ERLIN2: variants seen among roughly 807,000 people sequenced by gnomAD.
ERLIN2 encodes erlin-2.
Under a neutral mutation model 41.5 loss-of-function variants are expected in ERLIN2, and 22 were observed. The observed-to-expected ratio is 0.53, with a 90% CI of 0.38 to 0.76. ERLIN2 has a LOEUF of 0.76. ERLIN2 is among the 30% of genes least tolerant of loss of function. ERLIN2 has a pLI of 0.00. For missense variants in ERLIN2, 247 were observed against 414.3 expected, an observed-to-expected ratio of 0.60 and a Z score of 3.51; for synonymous variants, 149 against 150.9, an observed-to-expected ratio of 0.99 and a Z score of 0.09.
chr8:37,747,679 G>A, intron 6 of ERLIN2: 1 of 1,594,322 alleles, frequency 6.3e-7, no homozygotes, highest in Non-Finnish European at 8.6e-7. Flanking sequence ...GGTAACGGGA[G>A]CATTCTTCGG....
rs1803363167 is a variant in ERLIN2 at position 37,756,515 on chromosome 8, T to C, written c.*2400T>C. ...TGAGCACAGAAGAGCCTCAGTAGAG[T>C]CAAGTCCTGCTGCAGCTGCCCCACC... On this transcript the variant is annotated 3_prime_UTR_variant, in exon 12 of 12. Transcript: ENST00000519638. The C allele has an allele frequency of 6.6e-6, 1 of 152,550 alleles. No homozygotes were observed. The highest frequency in any genetic ancestry group is 2.1e-4 in the South Asian group (1 of 4,816). 9.4% of individuals were successfully genotyped at this position (152,550 alleles called of 1,614,324 possible).
chr8:37,740,870 G>A (rs533191695), intron 3 of ERLIN2, among the ~76,000 whole-genome samples: 22 of 152,138 alleles, frequency 1.4e-4, no homozygotes, highest in Non-Finnish European at 2.9e-4. Context: ...TAAAATAGGA[G>A]TGAGGTTAGT....
At chr8:37,747,471 A>G (rs1388836040) in intron 6 of ERLIN2, 1 of 1,612,062 alleles carries the variant, frequency 6.2e-7, no homozygotes, top group Non-Finnish European at 8.5e-7. Flanking sequence ...CATTCTGTGC[A>G]TACGAGTCAG....
chr8:37,740,480 T>C, intron 3 of ERLIN2, 34 bp downstream of exon 3: 1 of 1,537,496 alleles, frequency 6.5e-7, no homozygotes, highest in Non-Finnish European at 9.0e-7. Flanking sequence ...GCTGGACGAC[T>C]GCAAACTTGG....
At position 37,755,639 on chromosome 8, in the gene ERLIN2, A is replaced by T. The variant is rs1803342981; in HGVS notation, c.*1524A>T. The T allele has an allele frequency of 7.0e-6, 1 of 143,328 alleles. No individual in the cohort carries two copies. Among genetic ancestry groups the T allele is most frequent in the Non-Finnish European group, 1.5e-5 (1 of 66,650 alleles). 8.9% of individuals were successfully genotyped at this position (143,328 alleles called of 1,614,324 possible). On this transcript the variant is annotated 3_prime_UTR_variant, in exon 12 of 12. Transcript: ENST00000519638. ...TCTGTGAATGGTCCTTTCTGGCAGC[A>T]ATCCCTGCCTTCTTTTTGGGCCCAT...
At chr8:37,749,683 T>C in intron 7 of ERLIN2, 51 bp downstream of exon 7, 1 of 1,566,202 alleles carries the variant, frequency 6.4e-7, no homozygotes, top group South Asian at 1.1e-5. Context: ...ACTGCTTCCC[T>C]TCTCCCAAGG....
At position 37,737,953 on chromosome 8, in the gene ERLIN2, G is replaced by A. The variant is rs1214186685; in HGVS notation, c.31G>A (p.Ala11Thr). The A allele has an allele frequency of 1.2e-6, 2 of 1,614,058 alleles. No homozygotes were observed. The highest frequency in any genetic ancestry group is 2.7e-5 in the African/African-American group (2 of 74,922). The change falls in exon 2 of 12, where the codon GCT becomes ACT. Residue 11 changes from alanine to threonine, a missense_variant. Around this residue, in one of 3 missense-constraint regions of ERLIN2, gnomAD observed 93 missense variants for 139.0 expected, o/e 0.67. Transcript: ENST00000519638. ...TCAGTTGGGAGCAGTTGTGGCTGTG[G>A]CTTCCAGTTTCTTTTGTGCATCTCT... Reference protein sequence around the residue: MAQLGAVVAVASSFFCASLFS... With the variant: MAQLGAVVAVTSSFFCASLFS...
intron 9 of ERLIN2, 130 bp downstream of exon 9, chr8:37,750,616 G>A (rs1486630901): frequency 1.3e-6 from 1 of 775,652 alleles, no homozygotes; most frequent in African/African-American, 1.7e-5. Context: ...GGAGTGGCAG[G>A]TGGACTCCCA....
chr8:37,751,852 T>C (rs540754052), intron 10 of ERLIN2, 137 bp downstream of exon 10: 4 of 729,040 alleles, frequency 5.5e-6, no homozygotes, highest in South Asian at 4.5e-5. Context: ...CTTTTCTCCA[T>C]GTGGAGACTT....
chr8:37,749,669 T>C (rs1340740854), intron 7 of ERLIN2, 37 bp downstream of exon 7: 1 of 1,570,554 alleles, frequency 6.4e-7, no homozygotes, highest in South Asian at 1.1e-5. Flanking sequence ...CCTCTCTCTC[T>C]GACACTGCTT....
At chr8:37,747,946 T>C (rs1563315348) in intron 6 of ERLIN2, 1 of 1,614,100 alleles carries the variant, frequency 6.2e-7, no homozygotes, top group Non-Finnish European at 8.5e-7. Context: ...GCCGTCGTCA[T>C]ATTCCTCCCG....
At chr8:37,747,977 C>T in intron 6 of ERLIN2, 1 of 1,614,230 alleles carries the variant, frequency 6.2e-7, no homozygotes, top group Non-Finnish European at 8.5e-7. Flanking sequence ...TCAGAGCAGA[C>T]TACTGACCGA....
Position 37,754,203 on chromosome 8 carries a change from T to C in ERLIN2, c.*88T>C, listed in dbSNP as rs911365591. 3.7e-5 allele frequency: 34 copies of C among 930,376 alleles called. No homozygotes were observed. Among genetic ancestry groups the C allele is most frequent in the Non-Finnish European group, 5.2e-5 (30 of 580,966 alleles). 57.6% of individuals were successfully genotyped at this position (930,376 alleles called of 1,614,324 possible). A position where few individuals can be genotyped will look rare whatever the true frequency, so the allele number is the denominator to read the frequency against. ...AATGTTCCTCCCTCCCCGACTACCT[T>C]CTCTGACTGTCTTCCAGTTACTGTG... On this transcript the variant is annotated 3_prime_UTR_variant, in exon 12 of 12. Transcript: ENST00000519638.
rs574841784 is a variant in ERLIN2 at position 37,748,274 on chromosome 8, C to T, written c.425-1285C>T. On this transcript the variant is annotated intron_variant, in intron 6 of 11. Transcript: ENST00000519638. ...TTGGTCTGAGGAATGACGTTATTAA[C>T]TTATGGAGGATACGGGCCATTTAAA... is the stretch of plus-strand genomic sequence containing the variant. Among the ~76,000 whole-genome samples, 38 of 152,332 alleles carry T rather than the reference C, an allele frequency of 2.5e-4. No homozygotes were observed. The South Asian group carries it at 6.4e-3, about 26-fold the overall frequency.
At chr8:37,740,178 C>G (rs1308244267) in intron 2 of ERLIN2, among the ~76,000 whole-genome samples, 187 bp from the exon 3 acceptor site, 3 of 152,072 alleles carry the variant, frequency 2.0e-5, no homozygotes, top group Non-Finnish European at 4.4e-5. Context: ...TATGTTTTAC[C>G]ATCAGGCTTC....
At chr8:37,743,097 C>T (rs1456684604) in intron 4 of ERLIN2, among the ~76,000 whole-genome samples, 1 of 152,206 alleles carries the variant, frequency 6.6e-6, no homozygotes, top group East Asian at 1.9e-4. Flanking sequence ...CACAAGATCG[C>T]AGGCCTGATC....
At position 37,747,653 on chromosome 8, in the gene ERLIN2, C is replaced by T. The variant is rs770582197; in HGVS notation, c.425-1906C>T. 5 of 1,605,864 alleles carry T rather than the reference C, an allele frequency of 3.1e-6. No individual in the cohort carries two copies. In the African/African-American group the frequency reaches 5.3e-5, roughly 17 times the overall value. On this transcript the variant is annotated intron_variant, in intron 6 of 11. Coordinates refer to ENST00000519638, the MANE Select transcript of ERLIN2 (RefSeq NM_007175.8). ...AAGCCCTGGCCAAACTTGACGACTG[C>T]TCCATCCACAATGAAGGTAACGGGA... is the stretch of plus-strand genomic sequence containing the variant.
At chr8:37,745,720 A>T (rs954047666) in intron 6 of ERLIN2, 4 of 1,557,284 alleles carry the variant, frequency 2.6e-6, no homozygotes, top group Non-Finnish European at 3.5e-6. Flanking sequence ...AAATCATCCA[A>T]ATTACTTTTA....
chr8:37,749,518 AGT>A (rs1173892346), intron 6 of ERLIN2, 39 bp from the exon 7 acceptor site: 3 of 1,410,166 alleles, frequency 2.1e-6, no homozygotes, highest in Admixed American at 1.7e-5. Context: ...TCATCTAGAA[AGT>A]GTAACAACTC....
Sources: allele counts gnomAD v4.1 joint callset (sites outside exome capture counted in the v4.1 genomes callset), GRCh38; gene constraint gnomAD v4.1.1; regional missense constraint gnomAD v4.1.1; transcripts MANE v1.5; gene names NCBI Gene and HGNC (gene_info 2026-07-23, HGNC 2026-07-21).